DBH: variants seen among roughly 807,000 people sequenced by gnomAD.
DBH encodes dopamine beta-hydroxylase.
In DBH, 49 loss-of-function variants were observed where a neutral mutation model predicts 64.0. The observed-to-expected ratio is 0.77, with a 90% CI of 0.61 to 0.97. The LOEUF (loss-of-function observed/expected upper bound fraction) is 0.97. Among genes scored for constraint, DBH ranks in the 50% least tolerant of loss-of-function variants. The pLI, the probability that DBH is intolerant of heterozygous loss-of-function variation, is 0.00. For synonymous variants in DBH, 343 were observed against 347.1 expected (o/e 0.99, Z 0.13); for missense variants, 828 against 826.6 (o/e 1.00, Z -0.02).
chr9:133,656,150 G>A (rs938486864), intron 9 of DBH: 4 of 335,008 alleles, frequency 1.2e-5, no homozygotes, highest in Non-Finnish European at 2.3e-5. Flanking sequence ...TGGCCGGGAC[G>A]CTGGGTGCAC....
intron 9 of DBH, among the ~76,000 whole-genome samples, chr9:133,654,124 T>TTTTATTTTATTTTATTA (rs57965080): frequency 7.2e-6 from 1 of 139,292 alleles, no homozygotes; most frequent in African/African-American, 3.0e-5. Flanking sequence ...TTATATTTTA[T>TTTTATTTTATTTTATTA]TTTTTTTTGA....
Position 133,650,551 on chromosome 9 carries a change from CTT to C in DBH, c.1192-1069_1192-1068del, listed in dbSNP as rs5901024. Among the ~76,000 whole-genome samples the C allele has an allele frequency of 3.0e-3, 338 of 112,310 alleles. 2 individuals are homozygous for C. Among genetic ancestry groups the C allele is most frequent in the African/African-American group, 9.3e-3 (279 of 29,852 alleles). 73.7% of individuals were successfully genotyped at this position (112,310 alleles called of 152,430 possible). A position where few individuals can be genotyped will look rare whatever the true frequency, so the allele number is the denominator to read the frequency against. On this transcript the variant is annotated intron_variant, in intron 6 of 11. Transcript: ENST00000393056. ...TTCTCTTTTCTTTCTTCCTTCCTTT[CTT>C]TTTTTTTTTTTTTGATGGAGTTTCG...
At chr9:133,650,530 CTTT>C (rs1832236000) in intron 6 of DBH, among the ~76,000 whole-genome samples, 1 of 118,312 alleles carries the variant, frequency 8.5e-6, no homozygotes, top group Admixed American at 8.8e-5. Context: ...CCTTCCTTCT[CTTT>C]TCTTTCTTCC....
chr9:133,645,790 C>G (rs1394440760), intron 5 of DBH, among the ~76,000 whole-genome samples: 1 of 152,178 alleles, frequency 6.6e-6, no homozygotes, highest in Admixed American at 6.5e-5. Flanking sequence ...CTCAGCTTGG[C>G]CACTTCCCAG....
At chr9:133,650,538 T>TCTTC in intron 6 of DBH, among the ~76,000 whole-genome samples, 1 of 142,496 alleles carries the variant, frequency 7.0e-6, no homozygotes, top group Middle Eastern at 3.6e-3. Flanking sequence ...CTCTTTTCTT[T>TCTTC]CTTCCTTCCT....
chr9:133,651,838 G>T, intron 7 of DBH, 61 bp downstream of exon 7: 1 of 1,477,564 alleles, frequency 6.8e-7, no homozygotes, highest in Non-Finnish European at 9.2e-7. Context: ...CGACCTCCTG[G>T]GTCTACTGTT....
chr9:133,637,626 C>T (rs920750680), intron 1 of DBH, among the ~76,000 whole-genome samples: 4 of 152,222 alleles, frequency 2.6e-5, no homozygotes, highest in African/African-American at 4.8e-5. Context: ...GCGGAGCGGC[C>T]GGCTCCAGCT....
intron 1 of DBH, among the ~76,000 whole-genome samples, chr9:133,637,969 C>G (rs1052245153): frequency 5.3e-5 from 8 of 152,238 alleles, no homozygotes. Context: ...TCTGGAGGAG[C>G]AGCTGAACCC....
chr9:133,642,066 C>A, intron 2 of DBH, 141 bp from the exon 3 acceptor site: 1 of 1,229,000 alleles, frequency 8.1e-7, no homozygotes, highest in Non-Finnish European at 1.2e-6. Flanking sequence ...CCATGCAAGC[C>A]TCAAGGGTCC....
chr9:133,651,801 G>GGCCCCCCCCCCCC, intron 7 of DBH, 24 bp downstream of exon 7: 4 of 1,496,322 alleles, frequency 2.7e-6, no homozygotes, highest in Middle Eastern at 2.4e-4. Flanking sequence ...CCCCACCCCT[G>GGCCCCCCCCCCCC]CCCCGCCCCC....
chr9:133,637,155 C>T (rs985827172), intron 1 of DBH, among the ~76,000 whole-genome samples: 1 of 152,240 alleles, frequency 6.6e-6, no homozygotes, highest in African/African-American at 2.4e-5. Context: ...AGCATGAGGC[C>T]TGCACACCCA....
chr9:133,644,167 C>A, intron 4 of DBH, 51 bp from the exon 5 acceptor site: 2 of 1,434,060 alleles, frequency 1.4e-6, no homozygotes, highest in Non-Finnish European at 2.0e-6. Context: ...CTGCCCAGAC[C>A]TGGGGCCCTC....
rs115099736 is a variant in DBH, at chr9:133,638,004, C to T, written c.339+1294C>T. Among the ~76,000 whole-genome samples, 843 of 152,350 alleles carry T rather than the reference C, an allele frequency of 5.5e-3. 11 individuals carry two copies. The highest frequency in any genetic ancestry group is 0.018 in the African/African-American group (766 of 41,570). On this transcript the variant is annotated intron_variant, in intron 1 of 11. Coordinates refer to ENST00000393056, the MANE Select transcript of DBH (RefSeq NM_000787.4). ...CCATCGCTGACAGTTTGGGGTTCTT[C>T]GCAAGCCTCTGCCATGAGGCACCCT... is the stretch of plus-strand genomic sequence containing the variant.
chr9:133,653,077 C>A, intron 9 of DBH, 78 bp downstream of exon 9: 1 of 1,118,376 alleles, frequency 8.9e-7, no homozygotes, highest in Non-Finnish European at 1.4e-6. Context: ...GATGACAGGT[C>A]TTGACTCCTC....
intron 2 of DBH, among the ~76,000 whole-genome samples, chr9:133,640,357 G>A (rs531695610): frequency 3.9e-5 from 6 of 152,210 alleles, no homozygotes; most frequent in East Asian, 1.9e-4. Flanking sequence ...GAGCCCAGGC[G>A]ACCTGGCTTT....
intron 6 of DBH, among the ~76,000 whole-genome samples, chr9:133,650,935 TG>T (rs1832241418): frequency 3.3e-5 from 5 of 152,234 alleles, no homozygotes; most frequent in Admixed American, 3.3e-4. Flanking sequence ...GCCCCAGTGA[TG>T]GCATAAGACC....
At position 133,643,364 on chromosome 9, in the gene DBH, G is replaced by C. The variant is rs759414523; in HGVS notation, c.745-49G>C. 3 of 1,603,972 alleles carry C rather than the reference G, an allele frequency of 1.9e-6. No homozygotes were observed. In the Admixed American group the frequency reaches 5.0e-5, roughly 27 times the overall value. On this transcript the variant is annotated intron_variant, in intron 3 of 11. Coordinates refer to ENST00000393056, the MANE Select transcript of DBH (RefSeq NM_000787.4). This position sits in a 1 kb window ranked among gnomAD's most constrained non-coding sequence, Gnocchi z 5.3. ...CCCATGGAGGAGGGCTGCTGGGGAG[G>C]GGAGGGTGGGCGGCCGGTTCCCGGG... is the stretch of plus-strand genomic sequence containing the variant.
At chr9:133,649,817 CCCCGCTG>C (rs893859538) in intron 6 of DBH, among the ~76,000 whole-genome samples, 14 of 152,248 alleles carry the variant, frequency 9.2e-5, no homozygotes, top group Admixed American at 2.0e-4. Flanking sequence ...GGGCCTTCGA[CCCCGCTG>C]ACCGCTGACT....
intron 6 of DBH, among the ~76,000 whole-genome samples, chr9:133,650,548 T>TTCC: frequency 8.3e-6 from 1 of 120,730 alleles, no homozygotes; most frequent in Non-Finnish European, 1.7e-5. Flanking sequence ...TCTTCCTTCC[T>TTCC]TTCTTTTTTT....
Sources: allele counts gnomAD v4.1 joint callset (sites outside exome capture counted in the v4.1 genomes callset), GRCh38; gene constraint gnomAD v4.1.1; non-coding constraint Gnocchi (gnomAD v3.1); transcripts MANE v1.5; gene names NCBI Gene and HGNC (gene_info 2026-07-23, HGNC 2026-07-21).